The following KNDC1 variants were observed in gnomAD, a reference collection of about 807,000 sequenced individuals.
KNDC1 encodes kinase non-catalytic C-lobe domain-containing protein 1.
In KNDC1, 106 loss-of-function variants were observed where a neutral mutation model predicts 172.8. That is an observed-to-expected ratio of 0.61 (90% CI 0.52 to 0.72). KNDC1 has a LOEUF of 0.72. Ranked by LOEUF, KNDC1 falls within the 30% of genes least tolerant of loss-of-function variation. The pLI, the probability that KNDC1 is intolerant of heterozygous loss-of-function variation, is 0.00. For missense variants in KNDC1, 2,325 were observed against 2,394.5 expected, an observed-to-expected ratio of 0.97 and a Z score of 0.61; for synonymous variants, 1,083 against 1,062.2, an observed-to-expected ratio of 1.02 and a Z score of -0.38.
At chr10:133,184,245 A>G (rs1457782812) in intron 5 of KNDC1, among the ~76,000 whole-genome samples, 12 of 133,494 alleles carry the variant, frequency 9.0e-5, no homozygotes, top group South Asian at 2.5e-4. Context: ...ATGCGCACAC[A>G]CTGCACACAC....
chr10:133,213,953 G>A lies in KNDC1; in HGVS notation c.4527-19G>A, dbSNP rs774754476. ...CTGCACAAGTCCTGGGGGTGACAGGGACCATATTTCTCTTCCAGAGCCAGC... is the reference window on the plus strand; with the variant it reads ...CTGCACAAGTCCTGGGGGTGACAGGAACCATATTTCTCTTCCAGAGCCAGC... On this transcript the variant is annotated intron_variant, in intron 25 of 29. Transcript: ENST00000304613. 3 of 1,613,978 alleles carry A rather than the reference G, an allele frequency of 1.9e-6. No individual in the cohort carries two copies. Among genetic ancestry groups the A allele is most frequent in the Non-Finnish European group, 2.5e-6 (3 of 1,179,892 alleles).
rs1845694664 is a variant in KNDC1 at position 133,225,101 on chromosome 10, A to G, written c.*211A>G. The G allele has an allele frequency of 5.2e-6, 3 of 582,230 alleles. No individual in the cohort carries two copies. Among genetic ancestry groups the G allele is most frequent in the Middle Eastern group, 4.6e-4 (1 of 2,164 alleles). 36.1% of individuals were successfully genotyped at this position (582,230 alleles called of 1,614,324 possible). A position where few individuals can be genotyped will look rare whatever the true frequency, so the allele number is the denominator to read the frequency against. On this transcript the variant is annotated 3_prime_UTR_variant, in exon 30 of 30. Coordinates refer to ENST00000304613, the MANE Select transcript of KNDC1 (RefSeq NM_152643.8). ...AGCAGACGGAGCCAGGACGGGCACA[A>G]GAGTCTTGGAGGTTTGCGTGTTTCT...
chr10:133,175,671 T>C (rs1853514712), intron 3 of KNDC1, among the ~76,000 whole-genome samples: 1 of 144,340 alleles, frequency 6.9e-6, no homozygotes, highest in African/African-American at 2.6e-5. Context: ...GGGTGGAGGA[T>C]GGGTAGGTGG....
At chr10:133,182,275 G>A (rs1591235779) in intron 3 of KNDC1, among the ~76,000 whole-genome samples, 1 of 146,232 alleles carries the variant, frequency 6.8e-6, no homozygotes. Flanking sequence ...CCAGGGAGAG[G>A]CCTGGGGCCA....
In KNDC1 at chr10:133,201,634, A is replaced by G; in HGVS notation, c.3123A>G (p.Lys1041=). 1 of 1,613,086 alleles carries G rather than the reference A, an allele frequency of 6.2e-7. No individual in the cohort carries two copies. The highest frequency in any genetic ancestry group is 2.2e-5 in the East Asian group (1 of 44,870). ...GGTTTCGGCCTCAGAGGTCCGTAAA[A>G]GCCGAGAGAGCGCAGCAGCCTGAGG... ...EVGFRPQRSV[K]AERAQQPEAG... Residue 1041 remains lysine (K), a synonymous_variant, in exon 17 of 30, where the codon AAA becomes AAG. Coordinates refer to ENST00000304613, the MANE Select transcript of KNDC1 (RefSeq NM_152643.8).
At chr10:133,217,244 T>C (rs980458163) in intron 26 of KNDC1, among the ~76,000 whole-genome samples, 4 of 152,274 alleles carry the variant, frequency 2.6e-5, no homozygotes, top group African/African-American at 4.8e-5. Flanking sequence ...TATCTCAAAA[T>C]TACATACTTT....
intron 28 of KNDC1, 79 bp from the exon 29 acceptor site, chr10:133,219,876 G>A (rs1476935795): frequency 7.1e-7 from 1 of 1,410,974 alleles, no homozygotes. Context: ...GACTGGTTGG[G>A]CTGCGCTGGC....
Position 133,219,980 on chromosome 10 carries a change from G to C in KNDC1, c.4886G>C (p.Cys1629Ser). 1.3e-6 allele frequency: 2 copies of C among 1,552,950 alleles called. No individual in the cohort carries two copies. Among genetic ancestry groups the C allele is most frequent in the Non-Finnish European group, 1.7e-6 (2 of 1,147,956 alleles). ...GTCTTCCTGAAGAGCGACAGCCTGT[G>C]TCTGATGGAAGGGCGGCGCTTCCGG... ...VEVFLKSDSL[C>S]LMEGRRFRAQ... Residue 1629 changes from cysteine to serine, a missense_variant, in exon 29 of 30, where the codon TGT becomes TCT. Physicochemically the swap from Cys to Ser is moderately radical, Grantham distance 112. Coordinates refer to ENST00000304613, the MANE Select transcript of KNDC1 (RefSeq NM_152643.8).
At chr10:133,197,919 G>C (rs1854239892) in intron 12 of KNDC1, 151 bp downstream of exon 12, 1 of 691,876 alleles carries the variant, frequency 1.4e-6, no homozygotes, top group Non-Finnish European at 2.5e-6. Context: ...ATGCAGCCCA[G>C]CCTGCCTGCC....
In KNDC1 at chr10:133,171,578, A is replaced by T. The variant is rs1432995303; in HGVS notation, c.360+3266A>T. On this transcript the variant is annotated intron_variant, in intron 3 of 29. Transcript: ENST00000304613. Reference sequence around the variant, plus strand: ...TGAGCCACTGGCCCCGGCCAATTGTATTGTCCTCTTTTTAATTACATTTTT... The same window carrying T: ...TGAGCCACTGGCCCCGGCCAATTGTTTTGTCCTCTTTTTAATTACATTTTT... Among the ~76,000 whole-genome samples, 6 of 145,530 alleles carry T rather than the reference A, an allele frequency of 4.1e-5. No individual in the cohort carries two copies. The East Asian group carries it at 6.4e-4, about 16-fold the overall frequency.
chr10:133,197,016 G>A, intron 10 of KNDC1, 42 bp from the exon 11 acceptor site: 1 of 1,517,644 alleles, frequency 6.6e-7, no homozygotes, highest in Non-Finnish European at 9.1e-7. Flanking sequence ...TGCAGCCGTG[G>A]CTGAGGCCTG....
chr10:133,221,632 C>T (rs537758323), intron 29 of KNDC1, among the ~76,000 whole-genome samples: 69 of 152,362 alleles, frequency 4.5e-4, no homozygotes, highest in Non-Finnish European at 8.1e-4. Flanking sequence ...GAGCAATGCT[C>T]AGCGGACCAG....
chr10:133,170,546 C>T (rs1175035584), intron 3 of KNDC1, among the ~76,000 whole-genome samples: 1 of 152,114 alleles, frequency 6.6e-6, no homozygotes, highest in Non-Finnish European at 1.5e-5. Context: ...ATTGTCTGCC[C>T]CTAAGAGCGT....
At chr10:133,194,828 G>T (rs1044351838) in intron 9 of KNDC1, among the ~76,000 whole-genome samples, 3 of 152,226 alleles carry the variant, frequency 2.0e-5, no homozygotes, top group Non-Finnish European at 4.4e-5. Context: ...TGGATGATGT[G>T]ATTAAACTTA....
At chr10:133,168,211 G>T (rs1006179222) in intron 2 of KNDC1, 43 bp from the exon 3 acceptor site, 1 of 1,582,270 alleles carries the variant, frequency 6.3e-7, no homozygotes, top group Non-Finnish European at 8.7e-7. Context: ...AGGTTTGCAG[G>T]TGTGACCAGA....
At chr10:133,210,886 G>T (rs1265608931) in intron 21 of KNDC1, among the ~76,000 whole-genome samples, 162 bp downstream of exon 21, 3 of 152,146 alleles carry the variant, frequency 2.0e-5, no homozygotes, top group African/African-American at 7.2e-5. Flanking sequence ...GGAGGTGGAG[G>T]ACACACAGGG....
At chr10:133,160,815 C>G (rs981329287) in intron 1 of KNDC1, among the ~76,000 whole-genome samples, 2 of 152,162 alleles carry the variant, frequency 1.3e-5, no homozygotes, top group Non-Finnish European at 2.9e-5. Flanking sequence ...GCGGTAGCTC[C>G]TGGTGGAAAC....
At chr10:133,206,482 T>C (rs1845196905) in intron 17 of KNDC1, among the ~76,000 whole-genome samples, 1 of 151,606 alleles carries the variant, frequency 6.6e-6, no homozygotes. Flanking sequence ...CCTGTGAGCC[T>C]GGGGGCAGCC....
At position 133,207,279 on chromosome 10, in the gene KNDC1, C is replaced by T. The variant is rs375563882; in HGVS notation, c.3722C>T (p.Pro1241Leu). ...SLIFYNVNKH[P>L]GGRQKARILQ... ...ATCTTCTACAACGTCAACAAGCACC[C>T]GGGCGGCCGGCAGAAGGCCCGCATC... Residue 1241 changes from proline (P) to leucine (L), a missense_variant, in exon 20 of 30, where the codon CCG becomes CTG. Physicochemically the swap from Pro to Leu is moderately conservative, Grantham distance 98. Transcript: ENST00000304613. 7.0e-5 allele frequency: 113 copies of T among 1,613,038 alleles called. No homozygotes were observed. Among genetic ancestry groups the T allele is most frequent in the African/African-American group, 3.7e-4 (28 of 75,046 alleles).
Sources: allele counts gnomAD v4.1 joint callset (sites outside exome capture counted in the v4.1 genomes callset), GRCh38; gene constraint gnomAD v4.1.1; transcripts MANE v1.5; gene names NCBI Gene and HGNC (gene_info 2026-07-23, HGNC 2026-07-21).